TARS1: variants seen among roughly 807,000 people sequenced by gnomAD.
The protein encoded by TARS1 is threonine--tRNA ligase 1, cytoplasmic.
TARS1 carries 57 observed loss-of-function variants against 97.7 expected under a neutral mutation model. The observed-to-expected ratio is 0.58, with a 90% confidence interval of 0.47 to 0.73. The LOEUF (loss-of-function observed/expected upper bound fraction) is 0.73. Ranked by LOEUF, TARS1 falls within the 30% of genes least tolerant of loss-of-function variation. TARS1 has a pLI of 0.00. For synonymous variants in TARS1, 312 were observed against 293.7 expected (o/e 1.06, Z -0.64); for missense variants, 806 against 888.3 (o/e 0.91, Z 1.18).
In TARS1 at chr5:33,461,761, A is replaced by G; in HGVS notation, c.1629+17A>G. 6.2e-7 allele frequency: 1 copy of G among 1,609,242 alleles called. No homozygotes were observed. Among genetic ancestry groups the G allele is most frequent in the Non-Finnish European group, 8.5e-7 (1 of 1,177,024 alleles). On this transcript the variant is annotated intron_variant, in intron 14 of 18. Transcript: ENST00000265112. ...GGCCCAAAGGTGAGCACTAAAGTAC[A>G]TTTGGGTAATATGATTTTCACTTGT...
At chr5:33,454,045 A>G (rs1370197243) in intron 4 of TARS1, among the ~76,000 whole-genome samples, 1 of 152,156 alleles carries the variant, frequency 6.6e-6, no homozygotes, top group African/African-American at 2.4e-5. Flanking sequence ...CTCTAGCAAG[A>G]TATGTACATT....
chr5:33,449,319 A>G (rs1378980890), intron 3 of TARS1, among the ~76,000 whole-genome samples: 3 of 141,010 alleles, frequency 2.1e-5, no homozygotes, highest in South Asian at 2.4e-4. Flanking sequence ...ATATATGTGT[A>G]TATATATACG....
At chr5:33,448,292 C>A (rs988822060) in intron 2 of TARS1, among the ~76,000 whole-genome samples, 1 of 152,132 alleles carries the variant, frequency 6.6e-6, no homozygotes, top group Admixed American at 6.5e-5. Flanking sequence ...AGAGAAAAGA[C>A]CACTTGCTGT....
intron 5 of TARS1, 74 bp downstream of exon 5, chr5:33,455,140 G>A (rs890435741): frequency 2.6e-5 from 40 of 1,563,562 alleles, no homozygotes; most frequent in East Asian, 2.0e-4. Context: ...AGAGTTCTCA[G>A]TAAGGGAGGA....
chr5:33,458,404 C>A lies in TARS1; in HGVS notation c.985-162C>A, dbSNP rs138590559. ...TTGTAAATCAGCTGCAATTCTATAA[C>A]ATCAGAAACACTGACATGGTTTCTT... On this transcript the variant is annotated intron_variant, in intron 9 of 18. Transcript: ENST00000265112. Among the ~76,000 whole-genome samples, 885 of 152,282 alleles carry A rather than the reference C, an allele frequency of 5.8e-3. 5 individuals are homozygous for A. Among genetic ancestry groups the A allele is most frequent in the South Asian group, 0.028 (135 of 4,824 alleles).
chr5:33,449,495 CAGG>C (rs1741619576), intron 3 of TARS1, among the ~76,000 whole-genome samples: 1 of 132,498 alleles, frequency 7.5e-6, no homozygotes, highest in Non-Finnish European at 1.5e-5. Context: ...CTCTGTTGCC[CAGG>C]AGGCTAGAGT....
At chr5:33,445,439 G>C (rs370377779) in intron 2 of TARS1, 35 bp downstream of exon 2, 16 of 1,590,426 alleles carry the variant, frequency 1.0e-5, no homozygotes, top group Non-Finnish European at 1.4e-5. Context: ...TCTGTTATCA[G>C]AGGTTGGCAA....
chr5:33,454,325 T>G (rs1474563479), intron 4 of TARS1, among the ~76,000 whole-genome samples: 31 of 152,256 alleles, frequency 2.0e-4, no homozygotes, highest in Admixed American at 2.0e-3. Context: ...CGAGAATTTT[T>G]TAATGTCACT....
rs774648231 is a variant in TARS1 at position 33,448,605 on chromosome 5, A to G, written c.203A>G (p.His68Arg). ...LEMYNILKAE[H>R]DSILAEKAEK... ...ATGTATAATATACTAAAAGCAGAACATGATTCCATTCTGGCAGAAAAGGCA... is the reference window on the plus strand; with the variant it reads ...ATGTATAATATACTAAAAGCAGAACGTGATTCCATTCTGGCAGAAAAGGCA... Residue 68 changes from histidine to arginine, a missense_variant, in exon 3 of 19, where the codon CAT becomes CGT. This residue lies in a region of TARS1 where 356 missense variants were observed against 357.8 expected (regional missense o/e 0.99). Coordinates refer to ENST00000265112, the MANE Select transcript of TARS1 (RefSeq NM_152295.5). The G allele has an allele frequency of 3.8e-5, 62 of 1,613,810 alleles. No individual in the cohort carries two copies. Among genetic ancestry groups the G allele is most frequent in the Non-Finnish European group, 4.9e-5 (58 of 1,179,912 alleles).
At chr5:33,461,630 G>A (rs557588690) in intron 13 of TARS1, 37 bp from the exon 14 acceptor site, 97 of 1,579,054 alleles carry the variant, frequency 6.1e-5, no homozygotes, top group Middle Eastern at 3.3e-4. Context: ...GGGAAATTGC[G>A]ATGAAAAAAA....
chr5:33,460,846 C>A, intron 11 of TARS1, 56 bp from the exon 12 acceptor site: 1 of 1,589,678 alleles, frequency 6.3e-7, no homozygotes, highest in Non-Finnish European at 8.6e-7. Context: ...TTAAATATAG[C>A]ATTACAGAAG....
chr5:33,450,469 A>G (rs992229487), intron 3 of TARS1, among the ~76,000 whole-genome samples: 18 of 152,344 alleles, frequency 1.2e-4, no homozygotes, highest in Middle Eastern at 3.4e-3. Context: ...TACAAAGTGA[A>G]TGGAGTGTTT....
At chr5:33,454,363 A>G (rs1741909261) in intron 4 of TARS1, among the ~76,000 whole-genome samples, 1 of 152,186 alleles carries the variant, frequency 6.6e-6, no homozygotes, top group Non-Finnish European at 1.5e-5. Flanking sequence ...AATCTTGAAA[A>G]CATTGCTTTG....
chr5:33,446,265 C>A, intron 2 of TARS1: 1 of 239,262 alleles, frequency 4.2e-6, no homozygotes, highest in South Asian at 5.7e-5. Context: ...GCTTAGAACC[C>A]TACCTAACCA....
intron 1 of TARS1, 123 bp downstream of exon 1, chr5:33,441,266 T>C: frequency 8.9e-7 from 1 of 1,119,450 alleles, no homozygotes; most frequent in East Asian, 2.4e-5. Context: ...GTCGGAGAAG[T>C]GGGGGATGGT....
chr5:33,464,279 A>G lies in TARS1; in HGVS notation c.1908+454A>G, dbSNP rs1742432582. 1.3e-5 allele frequency among the ~76,000 whole-genome samples: 2 copies of G among 152,176 alleles called. 1 individual carries two copies. Among genetic ancestry groups the G allele is most frequent in the South Asian group, 4.1e-4 (2 of 4,824 alleles). On this transcript the variant is annotated intron_variant, in intron 17 of 18. Transcript: ENST00000265112. ...CAGATTAGCAGATATCAGGTACTTC[A>G]GTATGGTAGGTAAATTCCCGTTCAA...
At position 33,456,005 on chromosome 5, in the gene TARS1, A is replaced by C. The variant is rs373138685; in HGVS notation, c.697A>C (p.Asn233His). The C allele has an allele frequency of 6.2e-7, 1 of 1,613,722 alleles. No individual in the cohort carries two copies. Among genetic ancestry groups the C allele is most frequent in the East Asian group, 2.2e-5 (1 of 44,828 alleles). The change falls in exon 7 of 19, where the codon AAC becomes CAC. Residue 233 changes from asparagine (N) to histidine (H), a missense_variant. Asn to His is a moderately conservative substitution (Grantham distance 68). Around this residue, in one of 3 missense-constraint regions of TARS1, gnomAD observed 356 missense variants for 357.8 expected, o/e 0.99. Coordinates refer to ENST00000265112, the MANE Select transcript of TARS1 (RefSeq NM_152295.5). Reference sequence around the variant, plus strand: ...TAATAATTTTTCCTGTTTTCAGTACAACAAGTTCAAATGCCGGATATTGAA... The same window carrying C: ...TAATAATTTTTCCTGTTTTCAGTACCACAAGTTCAAATGCCGGATATTGAA... ...KETLLAMFKY[N>H]KFKCRILNEK...
intron 2 of TARS1, among the ~76,000 whole-genome samples, chr5:33,447,227 A>G (rs545220585): frequency 6.6e-5 from 10 of 152,202 alleles, no homozygotes; most frequent in Non-Finnish European, 1.2e-4. Context: ...ATTATTTTCT[A>G]TTATCTCCAG....
intron 17 of TARS1, 103 bp downstream of exon 17, chr5:33,463,928 G>A: frequency 1.0e-6 from 1 of 979,792 alleles, no homozygotes; most frequent in Non-Finnish European, 1.6e-6. Context: ...TTGTGATAAA[G>A]AGAAATGTTA....
Sources: allele counts gnomAD v4.1 joint callset (sites outside exome capture counted in the v4.1 genomes callset), GRCh38; gene constraint gnomAD v4.1.1; regional missense constraint gnomAD v4.1.1; transcripts MANE v1.5; gene names NCBI Gene and HGNC (gene_info 2026-07-23, HGNC 2026-07-21).